THBS3: variants seen among roughly 807,000 people sequenced by gnomAD.
The protein encoded by THBS3 is thrombospondin 3.
In THBS3, 78 loss-of-function variants were observed where a neutral mutation model predicts 118.3. That is an observed-to-expected ratio of 0.66 (90% CI 0.55 to 0.80). The LOEUF (loss-of-function observed/expected upper bound fraction) is 0.80. Ranked by LOEUF, THBS3 falls within the 30% of genes least tolerant of loss-of-function variation. THBS3 has a pLI of 0.00. For synonymous variants in THBS3, 427 were observed against 475.3 expected (o/e 0.90, Z 1.32); for missense variants, 1,057 against 1,247.4 (o/e 0.85, Z 2.30).
In THBS3 at chr1:155,200,019, G is replaced by A. The variant is rs1362581937; in HGVS notation, c.1803C>T (p.Cys601=). The change falls in exon 15 of 23, where the codon TGC becomes TGT. Residue 601 remains cysteine, a synonymous_variant. Coordinates refer to ENST00000368378, the MANE Select transcript of THBS3 (RefSeq NM_007112.5). ...CCTGGGTAGGATTGCTCATTTCAGG[G>A]CAGCTGTCGCAAGCATCTCCCACCC... ...EDGVGDACDS[C]PEMSNPTQTD... The A allele has an allele frequency of 6.2e-7, 1 of 1,600,614 alleles. No individual in the cohort carries two copies.
Position 155,207,809 on chromosome 1 carries a change from T to C in THBS3, c.68A>G (p.Gln23Arg). ...LLLCFFTSAS[Q>R]DLQVIDLLTV... The stretch of plus-strand genomic sequence containing the variant: ...GGAGACAGGCTTACCCTGCAGATCC[T>C]GACTGGCAGATGTGAAAAAGCAAAG... The change falls in exon 1 of 23, where the codon CAG becomes CGG. Residue 23 changes from glutamine to arginine, a missense_variant. Transcript: ENST00000368378. The C allele has an allele frequency of 6.2e-7, 1 of 1,614,042 alleles. No homozygotes were observed.
In THBS3 at chr1:155,202,262, T is replaced by C; in HGVS notation, c.1097A>G (p.Gln366Arg). 3.7e-6 allele frequency: 6 copies of C among 1,613,798 alleles called. No individual in the cohort carries two copies. Among genetic ancestry groups the C allele is most frequent in the Non-Finnish European group, 5.1e-6 (6 of 1,179,838 alleles). The change falls in exon 9 of 23, where the codon CAG becomes CGG. Residue 366 changes from glutamine (Q) to arginine (R), a missense_variant and splice_region_variant. Gln to Arg is a conservative substitution (Grantham distance 43). Transcript: ENST00000368378. The surrounding 1 kb of genome is among the most constrained non-coding windows in gnomAD (Gnocchi z 5.5). ...TCCACACACACTACCCAGTCTGACC[T>C]GTTTGCTGGCCCGGGCATAGTCAAT... ...VGIDYARASK[Q>R]VCNDIDECND...
intron 14 of THBS3, 149 bp from the exon 15 acceptor site, chr1:155,200,262 T>G (rs976445331): frequency 1.7e-5 from 17 of 989,772 alleles, no homozygotes; most frequent in African/African-American, 4.9e-5. Context: ...TAGTCCACAC[T>G]CTGCCTAACA....
Position 155,204,067 on chromosome 1 carries a change from G to A in THBS3, c.647-528C>T, listed in dbSNP as rs759771681. On this transcript the variant is annotated intron_variant, in intron 4 of 22. Transcript: ENST00000368378. ...GTTGGCCAGGCTGGTCTTGAACTCC[G>A]GACCTTGAGGGATCAGCCCACCTCA... is the stretch of plus-strand genomic sequence containing the variant. Among the ~76,000 whole-genome samples, 15 of 151,940 alleles carry A rather than the reference G, an allele frequency of 9.9e-5. 1 individual carries two copies. Among genetic ancestry groups the A allele is most frequent in the Middle Eastern group, 3.4e-3 (1 of 294 alleles).
chr1:155,207,681 C>G, intron 1 of THBS3, 117 bp downstream of exon 1: 1 of 1,113,702 alleles, frequency 9.0e-7, no homozygotes, highest in South Asian at 1.4e-5. Context: ...AAGTTTTCCT[C>G]TGGCTCAATT....
rs769243365 is a variant in THBS3 at position 155,205,115 on chromosome 1, G to A, written c.488C>T (p.Ala163Val). Residue 163 changes from alanine (A) to valine (V), a missense_variant, in exon 3 of 23, where the codon GCG (alanine) becomes GTG (valine). Ala to Val is a moderately conservative substitution (Grantham distance 64). Around this residue, in one of 3 missense-constraint regions of THBS3, gnomAD observed 544 missense variants for 715.6 expected, o/e 0.76. Coordinates refer to ENST00000368378, the MANE Select transcript of THBS3 (RefSeq NM_007112.5). ...CCTAATCTCCAGCCCATCGACCTCCGCTGGAGGAATGGGGGCCAGTGCTGG... is the reference window on the plus strand; with the variant it reads ...CCTAATCTCCAGCCCATCGACCTCCACTGGAGGAATGGGGGCCAGTGCTGG... ...GLPALAPIPP[A>V]EVDGLEIRTG... The A allele has an allele frequency of 2.7e-5, 43 of 1,613,980 alleles. No individual in the cohort carries two copies. The highest frequency in any genetic ancestry group is 4.0e-5 in the African/African-American group (3 of 74,916).
Position 155,202,748 on chromosome 1 carries a change from T to C in THBS3, c.957+64A>G, listed in dbSNP as rs1313401391. The C allele has an allele frequency of 1.9e-6, 3 of 1,554,088 alleles. No individual in the cohort carries two copies. Among genetic ancestry groups the C allele is most frequent in the Non-Finnish European group, 2.6e-6 (3 of 1,149,000 alleles). On this transcript the variant is annotated intron_variant, in intron 8 of 22. Coordinates refer to ENST00000368378, the MANE Select transcript of THBS3 (RefSeq NM_007112.5). This position sits in a 1 kb window ranked among gnomAD's most constrained non-coding sequence, Gnocchi z 5.5. Reference sequence around the variant, plus strand: ...CCGGACCAGCATTTATCCCACCCTCTTGGGTGCCTCCTGACATCCTCACCC... The same window carrying C: ...CCGGACCAGCATTTATCCCACCCTCCTGGGTGCCTCCTGACATCCTCACCC...
Position 155,202,868 on chromosome 1 carries a change from C to T in THBS3, c.901G>A (p.Gly301Arg). Residue 301 changes from glycine to arginine, a missense_variant, in exon 8 of 23, where the codon GGG becomes AGG. Transcript: ENST00000368378. This position sits in a 1 kb window ranked among gnomAD's most constrained non-coding sequence, Gnocchi z 5.5. ...EVYEYPGYRCGPCPPGLQGNG... is the reference protein window; with the variant it reads ...EVYEYPGYRCRPCPPGLQGNG... The stretch of plus-strand genomic sequence containing the variant: ...CCCTGCAGGCCAGGGGGGCAGGGCC[C>T]ACAGCGGTAGCCTGGGTACTCGTAC... The T allele has an allele frequency of 6.2e-7, 1 of 1,613,780 alleles. No homozygotes were observed. The highest frequency in any genetic ancestry group is 8.5e-7 in the Non-Finnish European group (1 of 1,180,038).
chr1:155,195,654 A>AAG lies in THBS3; in HGVS notation c.*186_*187insCT. On this transcript the variant is annotated 3_prime_UTR_variant, in exon 23 of 23. Transcript: ENST00000368378. ...TTCCTGGGGTTAGTGCCTGAGTAAT[A>AAG]CCCCTTGAAAACTTCTCATCCCCTG... 1 of 614,086 alleles carries AAG rather than the reference A, an allele frequency of 1.6e-6. No homozygotes were observed. Among genetic ancestry groups the AAG allele is most frequent in the East Asian group, 2.8e-5 (1 of 36,224 alleles). The allele number at this position is 614,086 out of a possible 1,614,324, so 38.0% of individuals were successfully genotyped here.
Position 155,200,452 on chromosome 1 carries a change from A to G in THBS3, c.1707T>C (p.Asp569=), listed in dbSNP as rs1269082766. Residue 569 remains aspartate, a splice_region_variant and synonymous_variant, in exon 14 of 23, where the codon GAT becomes GAC. Coordinates refer to ENST00000368378, the MANE Select transcript of THBS3 (RefSeq NM_007112.5). ...GDACDNDVDG[D]GIPNGLDNCP... ...ACCCCTTCAGCCCCAGGCCTGCACC[A>G]TCCCCATCCACGTCGTTGTCACAGG... 4 of 1,613,754 alleles carry G rather than the reference A, an allele frequency of 2.5e-6. No homozygotes were observed. Among genetic ancestry groups the G allele is most frequent in the South Asian group, 2.2e-5 (2 of 91,056 alleles).
Position 155,206,469 on chromosome 1 carries a change from C to A in THBS3, c.80-63G>T. The A allele has an allele frequency of 1.4e-6, 2 of 1,449,634 alleles. No individual in the cohort carries two copies. Among genetic ancestry groups the A allele is most frequent in the East Asian group, 2.4e-5 (1 of 41,824 alleles). 89.8% of individuals were successfully genotyped at this position (1,449,634 alleles called of 1,614,324 possible). A position where few individuals can be genotyped will look rare whatever the true frequency, so the allele number is the denominator to read the frequency against. On this transcript the variant is annotated intron_variant, in intron 1 of 22. Transcript: ENST00000368378. The surrounding 1 kb of genome is among the most constrained non-coding windows in gnomAD (Gnocchi z 4.2). ...TCAAATGCTAAGGTATGCCCTCCCC[C>A]GAGCCCACATCACCCCCTACCCCCA...
At chr1:155,208,950 C>T (rs759927568), upstream of THBS3, 4 of 1,609,836 alleles carry the variant, frequency 2.5e-6, no homozygotes, top group Non-Finnish European at 3.4e-6. Flanking sequence ...CCTGCCGCGC[C>T]TTCAGGGGTT....
Position 155,200,930 on chromosome 1 carries a change from A to G in THBS3, c.1515T>C (p.Asp505=), listed in dbSNP as rs909941650. 6.2e-7 allele frequency: 1 copy of G among 1,614,122 alleles called. No homozygotes were observed. ...TCTTGATCCCATCCCCATCAGCATC[A>G]TCATCACACTGGTCCCCCACACCAT... The part of the protein sequence containing the change: ...DNDGVGDQCD[D]DADGDGIKNV... The change falls in exon 13 of 23, where the codon GAT becomes GAC. Residue 505 remains aspartate, a synonymous_variant. Transcript: ENST00000368378.
Position 155,196,038 on chromosome 1 carries a change from A to G in THBS3, c.2761T>C (p.Cys921Arg). The change falls in exon 22 of 23, where the codon TGC becomes CGC. Residue 921 changes from cysteine to arginine, a missense_variant. Transcript: ENST00000368378. ...SMRGGRLGVFCFSQENIIWSN... is the reference protein window; with the variant it reads ...SMRGGRLGVFRFSQENIIWSN... ...CAAATTATGTTTTCTTGGGAGAAGCAGAATACACCAAGACGCCCCCCTCGC... is the reference window on the plus strand; with the variant it reads ...CAAATTATGTTTTCTTGGGAGAAGCGGAATACACCAAGACGCCCCCCTCGC... 6.2e-7 allele frequency: 1 copy of G among 1,614,226 alleles called. No homozygotes were observed. The highest frequency in any genetic ancestry group is 8.5e-7 in the Non-Finnish European group (1 of 1,180,038).
upstream of THBS3, chr1:155,209,013 C>T (rs1212817354): frequency 6.3e-7 from 1 of 1,586,544 alleles, no homozygotes; most frequent in Non-Finnish European, 8.6e-7. Flanking sequence ...GCCGGGCCGA[C>T]AGCGCTGTCC....
At position 155,197,722 on chromosome 1, in the gene THBS3, A is replaced by C; in HGVS notation, c.2303-63T>G. ...GCTACTGGCGGCCCATCATGGGGTA[A>C]AGTTGGGAAGGGATGCCTGCTATGT... On this transcript the variant is annotated intron_variant, in intron 19 of 22. Transcript: ENST00000368378. The surrounding 1 kb of genome is among the most constrained non-coding windows in gnomAD (Gnocchi z 5.0). The C allele has an allele frequency of 6.2e-7, 1 of 1,600,410 alleles. No individual in the cohort carries two copies. Among genetic ancestry groups the C allele is most frequent in the Non-Finnish European group, 8.5e-7 (1 of 1,169,628 alleles).
At chr1:155,208,689 T>TCCCCC, upstream of THBS3, 1 of 1,027,782 alleles carries the variant, frequency 9.7e-7, no homozygotes, top group Non-Finnish European at 1.3e-6. Context: ...TCTCTTCCCC[T>TCCCCC]CCCCCACCCA....
upstream of THBS3, chr1:155,208,598 G>A: frequency 1.7e-6 from 1 of 571,470 alleles, no homozygotes; most frequent in Non-Finnish European, 3.0e-6. Flanking sequence ...GGAACACTGT[G>A]GGTACTAGCG....
intron 21 of THBS3, 128 bp from the exon 22 acceptor site, chr1:155,196,254 G>T: frequency 8.8e-7 from 1 of 1,135,298 alleles, no homozygotes; most frequent in Non-Finnish European, 1.3e-6. Context: ...GAGAAGGGAG[G>T]GAGGGAAAGG....
Sources: gnomAD v4.1 joint callset for allele counts (sites outside exome capture counted in the v4.1 genomes callset) on GRCh38, gnomAD v4.1.1 for gene constraint, gnomAD v4.1.1 regional missense constraint, Gnocchi (gnomAD v3.1) non-coding constraint, MANE v1.5 for transcripts, NCBI Gene and HGNC (gene_info 2026-07-23, HGNC 2026-07-21) for gene names.